VPS54: variants seen among roughly 807,000 people sequenced by gnomAD.
VPS54 encodes the protein vacuolar protein sorting-associated protein 54.
A neutral mutation model predicts 121.5 loss-of-function variants in VPS54; 45 were observed. That is an observed-to-expected ratio of 0.37 (90% CI 0.29 to 0.47). VPS54 has a LOEUF of 0.47. Ranked by LOEUF, VPS54 falls within the 20% of genes least tolerant of loss-of-function variation. The pLI is 0.99. For missense variants in VPS54, 1,090 were observed against 1,131.4 expected (o/e 0.96, Z 0.52); for synonymous variants, 371 against 385.8 (o/e 0.96, Z 0.45).
intron 20 of VPS54, among the ~76,000 whole-genome samples, chr2:63,901,141 C>T (rs1013545421): frequency 8.5e-5 from 13 of 152,174 alleles, no homozygotes; most frequent in African/African-American, 2.9e-4. Context: ...AAAAACTTTT[C>T]GGTTCTACTT....
intron 1 of VPS54, among the ~76,000 whole-genome samples, chr2:63,993,865 C>G (rs926906165): frequency 6.6e-6 from 1 of 152,200 alleles, no homozygotes; most frequent in African/African-American, 2.4e-5. Context: ...GTCCTACAAA[C>G]AAGCTTATTT....
chr2:64,006,967 C>T (rs1473371614), intron 1 of VPS54, among the ~76,000 whole-genome samples: 1 of 152,194 alleles, frequency 6.6e-6, no homozygotes, highest in Non-Finnish European at 1.5e-5. Context: ...TTCAACTGTG[C>T]CATGCAAAAT....
intron 6 of VPS54, among the ~76,000 whole-genome samples, chr2:63,964,261 T>A (rs903125837): frequency 1.3e-5 from 2 of 152,260 alleles, no homozygotes; most frequent in South Asian, 2.1e-4. Flanking sequence ...ATAAAAAAAA[T>A]TTCCATTATT....
At chr2:63,966,038 GATC>G in intron 5 of VPS54, 72 bp from the exon 6 acceptor site, 1 of 1,448,330 alleles carries the variant, frequency 6.9e-7, no homozygotes, top group Non-Finnish European at 9.3e-7. Context: ...CTAACATCAT[GATC>G]ATTAAACAAA....
chr2:63,934,069 TC>T (rs1323478098), intron 11 of VPS54, 56 bp from the exon 12 acceptor site: 1 of 1,462,646 alleles, frequency 6.8e-7, no homozygotes, highest in East Asian at 2.3e-5. Context: ...TACCTGAAGT[TC>T]CCAAAAGAGA....
At position 63,913,212 on chromosome 2, in the gene VPS54, A is replaced by G; in HGVS notation, c.2422+11T>C. On this transcript the variant is annotated intron_variant, in intron 18 of 22. Coordinates refer to ENST00000272322, the MANE Select transcript of VPS54 (RefSeq NM_016516.3). ...CACTTCAGCAAGTGAATTAAACGCA[A>G]GAATCCATACCCAAATTTTTTGTAG... 6.2e-7 allele frequency: 1 copy of G among 1,606,584 alleles called. No homozygotes were observed. Among genetic ancestry groups the G allele is most frequent in the Non-Finnish European group, 8.5e-7 (1 of 1,176,858 alleles).
intron 20 of VPS54, among the ~76,000 whole-genome samples, chr2:63,905,524 A>G (rs1672868146): frequency 6.6e-6 from 1 of 151,816 alleles, no homozygotes; most frequent in Non-Finnish European, 1.5e-5. Context: ...TTTTTTTTTA[A>G]TGAACTTATT....
chr2:63,987,569 A>T (rs1003447669), intron 1 of VPS54, among the ~76,000 whole-genome samples: 2 of 152,158 alleles, frequency 1.3e-5, no homozygotes, highest in African/African-American at 4.8e-5. Flanking sequence ...GAAGAATTTA[A>T]TTGGTATTTT....
At chr2:63,913,871 C>G (rs1022817176) in intron 17 of VPS54, 1 of 1,107,740 alleles carries the variant, frequency 9.0e-7, no homozygotes, top group Non-Finnish European at 1.1e-6. Context: ...CTTCCATGCA[C>G]ATTTGAAGCC....
At chr2:63,915,151 CAAAAAAAAAAAAAAA>C (rs5831674) in intron 16 of VPS54, among the ~76,000 whole-genome samples, 1 of 23,852 alleles carries the variant, frequency 4.2e-5, no homozygotes, top group African/African-American at 1.4e-4. Flanking sequence ...AGCTCCGTCT[CAAAAAAAAAAAAAAA>C]AAAAAAAAAA....
intron 14 of VPS54, 74 bp from the exon 15 acceptor site, chr2:63,920,069 G>C: frequency 1.6e-6 from 2 of 1,281,036 alleles, no homozygotes; most frequent in Non-Finnish European, 2.2e-6. Context: ...AAAAGAAAAG[G>C]AAGAAGAGCT....
At chr2:63,939,919 A>G (rs1674642609) in intron 11 of VPS54, among the ~76,000 whole-genome samples, 1 of 151,964 alleles carries the variant, frequency 6.6e-6, no homozygotes, top group Non-Finnish European at 1.5e-5. Flanking sequence ...CAACACGCCC[A>G]GCTAATTTTT....
intron 12 of VPS54, among the ~76,000 whole-genome samples, chr2:63,924,798 AG>A (rs1673820165): frequency 1.3e-5 from 2 of 152,240 alleles, no homozygotes; most frequent in African/African-American, 4.8e-5. Context: ...TTATGTCAAG[AG>A]TGACATTATA....
Position 63,981,844 on chromosome 2 carries a change from A to T in VPS54, c.180T>A (p.Asp60Glu), listed in dbSNP as rs769614448. Residue 60 changes from aspartate to glutamate, a missense_variant, in exon 3 of 23, where the codon GAT becomes GAA. Coordinates refer to ENST00000272322, the MANE Select transcript of VPS54 (RefSeq NM_016516.3). ...SLYVAPSLVTDQHRWTVYHSK... is the reference protein window; with the variant it reads ...SLYVAPSLVTEQHRWTVYHSK... ...AATGATATACAGTCCATCTATGTTGATCTGTAACTAGAGATGGGGCAACAT... is the reference window on the plus strand; with the variant it reads ...AATGATATACAGTCCATCTATGTTGTTCTGTAACTAGAGATGGGGCAACAT... 1.2e-6 allele frequency: 2 copies of T among 1,613,440 alleles called. No individual in the cohort carries two copies. The highest frequency in any genetic ancestry group is 2.2e-5 in the South Asian group (2 of 91,032).
chr2:63,921,433 T>A, intron 12 of VPS54, 98 bp from the exon 13 acceptor site: 2 of 1,373,426 alleles, frequency 1.5e-6, no homozygotes, highest in South Asian at 1.5e-5. Flanking sequence ...GCTGTAAAAT[T>A]CACATTTGAA....
chr2:63,899,685 TCTGGCATA>T (rs1391417654), intron 20 of VPS54, 104 bp from the exon 21 acceptor site: 29 of 882,474 alleles, frequency 3.3e-5, no homozygotes, highest in Middle Eastern at 2.2e-4. Flanking sequence ...CATATCCAAT[TCTGGCATA>T]GTACTTAAGC....
Position 63,912,579 on chromosome 2 carries a change from C to T in VPS54, c.2505G>A (p.Lys835=). Residue 835 remains lysine, a synonymous_variant, in exon 19 of 23, where the codon AAG becomes AAA. Coordinates refer to ENST00000272322, the MANE Select transcript of VPS54 (RefSeq NM_016516.3). ...CAAAATGCCTAAGCATGCTATATTG[C>T]TTAGGTGGTAGTCGAGCTTCAAAAT... ...RAHFEARLPP[K]QYSMLRHFDH... is the part of the protein sequence containing the mutation. The T allele has an allele frequency of 6.2e-7, 1 of 1,602,834 alleles. No individual in the cohort carries two copies. Among genetic ancestry groups the T allele is most frequent in the Non-Finnish European group, 8.5e-7 (1 of 1,177,464 alleles).
At chr2:63,983,315 T>A (rs1676882565) in intron 2 of VPS54, among the ~76,000 whole-genome samples, 2 of 151,764 alleles carry the variant, frequency 1.3e-5, no homozygotes, top group South Asian at 4.2e-4. Flanking sequence ...ATATTTTTGG[T>A]AGAGATGGGG....
chr2:63,931,608 G>A (rs1409475806), intron 12 of VPS54, among the ~76,000 whole-genome samples: 2 of 152,196 alleles, frequency 1.3e-5, no homozygotes, highest in African/African-American at 4.8e-5. Flanking sequence ...AAGACTTCAT[G>A]TCTAAAACAC....
Sources: allele counts gnomAD v4.1 joint callset (sites outside exome capture counted in the v4.1 genomes callset), GRCh38; gene constraint gnomAD v4.1.1; transcripts MANE v1.5; gene names NCBI Gene and HGNC (gene_info 2026-07-23, HGNC 2026-07-21).